Variants in USP54 observed in about 807,000 individuals in gnomAD.
USP54 encodes the protein ubiquitin carboxyl-terminal hydrolase 54.
Under a neutral mutation model 170.5 loss-of-function variants are expected in USP54, and 87 were observed. The observed-to-expected ratio is 0.51, with a 90% CI of 0.43 to 0.61. The LOEUF is 0.61. Among genes scored for constraint, USP54 ranks in the 20% least tolerant of loss-of-function variants. The pLI, the probability that USP54 is intolerant of heterozygous loss-of-function variation, is 0.00. For synonymous variants in USP54, 655 were observed against 742.8 expected, an observed-to-expected ratio of 0.88 and a Z score of 1.92; for missense variants, 1,786 against 2,047.8, an observed-to-expected ratio of 0.87 and a Z score of 2.47.
In USP54 at chr10:73,571,495, T is replaced by G; in HGVS notation, c.166A>C (p.Ile56Leu). ...SALQVLWHLD[I>L]FRRSFRQLTT... ...AGCTGCCTAAAGCTACGTCGGAAGA[T>G]ATCCAAGTGCCACAAAACCTGATGA... Residue 56 changes from isoleucine (I) to leucine (L), a missense_variant, in exon 4 of 24, where the codon ATC (isoleucine) becomes CTC (leucine). Coordinates refer to ENST00000687698, the MANE Select transcript of USP54 (RefSeq NM_001391956.1). 1 of 1,613,848 alleles carries G rather than the reference T, an allele frequency of 6.2e-7. No individual in the cohort carries two copies. The highest frequency in any genetic ancestry group is 8.5e-7 in the Non-Finnish European group (1 of 1,179,898).
chr10:73,511,069 C>A (rs1481436540), intron 20 of USP54, among the ~76,000 whole-genome samples: 6 of 147,632 alleles, frequency 4.1e-5, no homozygotes, highest in African/African-American at 1.0e-4. Flanking sequence ...GATTTGCCAA[C>A]GGGTACAAAG....
chr10:73,624,804 C>A (rs549308768), intron 1 of USP54, among the ~76,000 whole-genome samples: 1 of 152,150 alleles, frequency 6.6e-6, no homozygotes, highest in Non-Finnish European at 1.5e-5. Flanking sequence ...TGAGAGACAT[C>A]TTTTATTTCA....
chr10:73,498,477 T>A lies in USP54; in HGVS notation c.*152A>T, dbSNP rs1291388297. ...TTTTGGTAGAGACGGGGTTTCACCATGTTGGCCAGGATGGTCTCAATCTCC... is the reference window on the plus strand; with the variant it reads ...TTTTGGTAGAGACGGGGTTTCACCAAGTTGGCCAGGATGGTCTCAATCTCC... On this transcript the variant is annotated 3_prime_UTR_variant, in exon 24 of 24. Coordinates refer to ENST00000687698, the MANE Select transcript of USP54 (RefSeq NM_001391956.1). 3.2e-6 allele frequency: 2 copies of A among 629,244 alleles called. No homozygotes were observed. The highest frequency in any genetic ancestry group is 3.7e-5 in the African/African-American group (2 of 54,526). 39.0% of individuals were successfully genotyped at this position (629,244 alleles called of 1,614,324 possible). A position where few individuals can be genotyped will look rare whatever the true frequency, so the allele number is the denominator to read the frequency against.
chr10:73,575,191 CT>C (rs1351786273), intron 3 of USP54, among the ~76,000 whole-genome samples: 2 of 152,202 alleles, frequency 1.3e-5, no homozygotes, highest in African/African-American at 2.4e-5. Flanking sequence ...CGCCACTGCA[CT>C]CCAGCCTGGG....
At chr10:73,551,534 G>C (rs1449430619) in intron 4 of USP54, among the ~76,000 whole-genome samples, 1 of 152,198 alleles carries the variant, frequency 6.6e-6, no homozygotes, top group African/African-American at 2.4e-5. Context: ...GAGAAATAAG[G>C]AGAAACAAAG....
At chr10:73,606,456 C>T (rs1030185338) in intron 1 of USP54, 2 of 151,972 alleles carry the variant, frequency 1.3e-5, no homozygotes, top group East Asian at 3.9e-4. Context: ...CACAGGAGAG[C>T]CCATCTCTTA....
chr10:73,620,632 A>G (rs2081016062), intron 1 of USP54, among the ~76,000 whole-genome samples: 2 of 149,622 alleles, frequency 1.3e-5, no homozygotes, highest in African/African-American at 2.5e-5. Flanking sequence ...TAAAGAAGCC[A>G]TTTACAAAGA....
At position 73,498,358 on chromosome 10, in the gene USP54, C is replaced by T. The variant is rs758173085; in HGVS notation, c.*271G>A. The T allele has an allele frequency of 1.4e-5, 3 of 215,772 alleles. No individual in the cohort carries two copies. Among genetic ancestry groups the T allele is most frequent in the Non-Finnish European group, 2.8e-5 (3 of 107,584 alleles). The allele number at this position is 215,772 out of a possible 1,614,324, so 13.4% of individuals were successfully genotyped here. ...TGGTGCGATCTCGGCTCACTGCAAC[C>T]TCTGCCTCCCGGGTTCAAGCAATTC... On this transcript the variant is annotated 3_prime_UTR_variant, in exon 24 of 24. Transcript: ENST00000687698.
intron 4 of USP54, among the ~76,000 whole-genome samples, chr10:73,550,428 T>C (rs994410178): frequency 2.6e-5 from 4 of 152,194 alleles, no homozygotes; most frequent in African/African-American, 4.8e-5. Context: ...CTCTTTAAAA[T>C]TGTAAGCTCC....
chr10:73,525,588 G>A (rs1057406093), intron 16 of USP54, among the ~76,000 whole-genome samples: 3 of 152,214 alleles, frequency 2.0e-5, no homozygotes, highest in Non-Finnish European at 2.9e-5. Context: ...TCTCATGCAC[G>A]ATTCACAAGT....
chr10:73,532,733 G>A (rs1307798403), intron 12 of USP54, among the ~76,000 whole-genome samples: 1 of 152,086 alleles, frequency 6.6e-6, no homozygotes, highest in Non-Finnish European at 1.5e-5. Context: ...ACGTGTTAAA[G>A]TATACCATAG....
chr10:73,580,286 T>G (rs1179637645), intron 1 of USP54, among the ~76,000 whole-genome samples: 1 of 131,198 alleles, frequency 7.6e-6, no homozygotes, highest in Admixed American at 8.8e-5. Flanking sequence ...GCCACTGCAC[T>G]CCAACCTAGG....
intron 4 of USP54, among the ~76,000 whole-genome samples, chr10:73,550,934 G>A (rs938538564): frequency 1.6e-4 from 25 of 152,122 alleles, no homozygotes; most frequent in African/African-American, 4.3e-4. Flanking sequence ...GTGAAACCCC[G>A]TCTCTACTAA....
rs2057372482 is a variant in USP54, at chr10:73,498,195, C to G, written c.*434G>C. 1 of 153,002 alleles carries G rather than the reference C, an allele frequency of 6.5e-6. No homozygotes were observed. The highest frequency in any genetic ancestry group is 2.1e-4 in the South Asian group (1 of 4,862). The allele number at this position is 153,002 out of a possible 1,614,324, so 9.5% of individuals were successfully genotyped here. ...TCCTGACACCCTTAGGAGAACCCAC[C>G]AATTCTATGTTGAGATGAGAATAGC... On this transcript the variant is annotated 3_prime_UTR_variant, in exon 24 of 24. Transcript: ENST00000687698.
Position 73,499,153 on chromosome 10 carries a change from A to G in USP54, c.4531T>C (p.Cys1511Arg). Reference protein sequence around the residue: ...SRSVQQFLAMCDRGETSQGAK... With the variant: ...SRSVQQFLAMRDRGETSQGAK... ...CCTTGGGAAGTTTCACCCCTGTCAC[A>G]CATAGCCAGAAACTGCTGGACACTC... is the stretch of plus-strand genomic sequence containing the variant. The change falls in exon 24 of 24, where the codon TGT becomes CGT. Residue 1511 changes from cysteine to arginine, a missense_variant. Transcript: ENST00000687698. The G allele has an allele frequency of 6.2e-7, 1 of 1,613,176 alleles. No individual in the cohort carries two copies. Among genetic ancestry groups the G allele is most frequent in the Non-Finnish European group, 8.5e-7 (1 of 1,179,602 alleles).
chr10:73,536,378 C>T lies in USP54; in HGVS notation c.1035G>A (p.Leu345=), dbSNP rs778936680. The T allele has an allele frequency of 9.8e-5, 158 of 1,607,742 alleles. No individual in the cohort carries two copies. Among genetic ancestry groups the T allele is most frequent in the Non-Finnish European group, 1.2e-4 (140 of 1,176,946 alleles). ...TKCIKGHYQP[L]LLLYADPQGT... is the part of the protein sequence containing the mutation. ...CCTGGGGATCTGCATAAAGCAGCAG[C>T]AGGGGCTGATAATGCCCCTTGATGC... is the stretch of plus-strand genomic sequence containing the variant. Residue 345 remains leucine, a synonymous_variant, in exon 11 of 24, where the codon CTG becomes CTA. Coordinates refer to ENST00000687698, the MANE Select transcript of USP54 (RefSeq NM_001391956.1).
intron 1 of USP54, among the ~76,000 whole-genome samples, chr10:73,616,156 T>C (rs1232877700): frequency 6.7e-6 from 1 of 149,122 alleles, no homozygotes; most frequent in Non-Finnish European, 1.5e-5. Flanking sequence ...CTGGCGAACA[T>C]GGTGAAACCC....
At chr10:73,529,617 C>T in intron 15 of USP54, 63 bp downstream of exon 15, 1 of 1,593,638 alleles carries the variant, frequency 6.3e-7, no homozygotes, top group Non-Finnish European at 8.6e-7. Context: ...TGCCTGAAAG[C>T]CCCAAGTAGG....
chr10:73,521,207 C>G (rs980886436), intron 17 of USP54, among the ~76,000 whole-genome samples, 180 bp from the exon 18 acceptor site: 5 of 152,146 alleles, frequency 3.3e-5, no homozygotes, highest in African/African-American at 1.2e-4. Context: ...TTGCCTTAAC[C>G]AAGATGTTAC....
Sources: allele counts gnomAD v4.1 joint callset (sites outside exome capture counted in the v4.1 genomes callset), GRCh38; gene constraint gnomAD v4.1.1; transcripts MANE v1.5; gene names NCBI Gene and HGNC (gene_info 2026-07-23, HGNC 2026-07-21).